Variants in SYNPR observed in about 807,000 individuals in gnomAD.
SYNPR encodes synaptoporin.
In SYNPR, 23 loss-of-function variants were observed where a neutral mutation model predicts 32.9. That is an observed-to-expected ratio of 0.70 (90% CI 0.50 to 0.99). SYNPR has a LOEUF of 0.99. SYNPR is among the 50% of genes least tolerant of loss of function. The pLI is 0.00. For synonymous variants in SYNPR, 146 were observed against 135.9 expected (o/e 1.07, Z -0.52); for missense variants, 318 against 349.3 (o/e 0.91, Z 0.71).
chr3:63,566,668 G>A (rs1702793976), intron 4 of SYNPR, among the ~76,000 whole-genome samples: 1 of 152,136 alleles, frequency 6.6e-6, no homozygotes. Context: ...CCAAATCTCA[G>A]TACCACCATC....
intron 3 of SYNPR, among the ~76,000 whole-genome samples, chr3:63,518,527 A>T (rs975818561): frequency 6.6e-6 from 1 of 152,140 alleles, no homozygotes; most frequent in Non-Finnish European, 1.5e-5. Flanking sequence ...TCTCCCTTCA[A>T]GTGCATTGCT....
intron 2 of SYNPR, among the ~76,000 whole-genome samples, chr3:63,308,237 A>G (rs1257424002): frequency 3.9e-5 from 6 of 152,034 alleles, no homozygotes; most frequent in Non-Finnish European, 8.8e-5. Flanking sequence ...ATTCTAGGAC[A>G]AGAAATATAT....
intron 2 of SYNPR, among the ~76,000 whole-genome samples, chr3:63,464,309 G>C (rs1457519739): frequency 2.0e-5 from 3 of 152,158 alleles, no homozygotes; most frequent in Admixed American, 6.5e-5. Flanking sequence ...CACTCCCACT[G>C]TATGGGGGTT....
intron 2 of SYNPR, among the ~76,000 whole-genome samples, chr3:63,386,896 G>T (rs185723524): frequency 1.4e-4 from 21 of 152,356 alleles, no homozygotes; most frequent in Admixed American, 1.4e-3. Context: ...GCCTCACCAA[G>T]ACAGTGGGGA....
At chr3:63,481,051 C>G (rs906770814) in intron 3 of SYNPR, 95 bp downstream of exon 3, 2 of 1,490,606 alleles carry the variant, frequency 1.3e-6, no homozygotes, top group African/African-American at 2.8e-5. Flanking sequence ...CCAGGGACTT[C>G]TGGGTAAACA....
intron 3 of SYNPR, among the ~76,000 whole-genome samples, chr3:63,484,748 A>C (rs992947156): frequency 8.5e-5 from 13 of 152,206 alleles, no homozygotes; most frequent in Non-Finnish European, 8.8e-5. Flanking sequence ...TTGACATCAC[A>C]CAGAAATTAA....
rs1341230980 is a variant in SYNPR at position 63,583,017 on chromosome 3, G to A, written c.409-26108G>A. 4.6e-5 allele frequency among the ~76,000 whole-genome samples: 7 copies of A among 151,964 alleles called. No individual in the cohort carries two copies. The South Asian group carries it at 1.2e-3, about 27-fold the overall frequency. On this transcript the variant is annotated intron_variant, in intron 4 of 5. Coordinates refer to ENST00000478300, the MANE Select transcript of SYNPR (RefSeq NM_001130003.2). ...GGGCTGAGTCCAAAAAGAAGTCAGCGAGGGGAGACAGGAAAGGGGCAGCTT... is the reference window on the plus strand; with the variant it reads ...GGGCTGAGTCCAAAAAGAAGTCAGCAAGGGGAGACAGGAAAGGGGCAGCTT...
intron 3 of SYNPR, among the ~76,000 whole-genome samples, chr3:63,553,966 C>CCCGT (rs1702550473): frequency 6.6e-6 from 1 of 152,188 alleles, no homozygotes; most frequent in African/African-American, 2.4e-5. Flanking sequence ...GGTGATCCAC[C>CCCGT]CCGTCTTGGC....
At chr3:63,309,426 G>T (rs573267294) in intron 2 of SYNPR, among the ~76,000 whole-genome samples, 7 of 151,958 alleles carry the variant, frequency 4.6e-5, no homozygotes, top group Non-Finnish European at 8.8e-5. Flanking sequence ...TACCTTGCTT[G>T]ATTCTGGATG....
intron 4 of SYNPR, among the ~76,000 whole-genome samples, chr3:63,561,782 A>T (rs1307815999): frequency 6.6e-6 from 1 of 152,160 alleles, no homozygotes; most frequent in Non-Finnish European, 1.5e-5. Flanking sequence ...ATTGTGAATC[A>T]CAGATTACCA....
intron 4 of SYNPR, among the ~76,000 whole-genome samples, chr3:63,605,025 C>T (rs9855104): frequency 6.6e-6 from 1 of 151,952 alleles, no homozygotes; most frequent in Admixed American, 6.6e-5. Context: ...TTCATTCTTT[C>T]ACTCAACAAA....
chr3:63,464,854 A>C (rs887978962), intron 2 of SYNPR, among the ~76,000 whole-genome samples: 5 of 152,150 alleles, frequency 3.3e-5, no homozygotes, highest in Non-Finnish European at 7.4e-5. Context: ...TATACATTTA[A>C]TTTGGGAGCC....
chr3:63,393,067 A>T (rs1371828847), intron 2 of SYNPR, among the ~76,000 whole-genome samples: 3 of 152,156 alleles, frequency 2.0e-5, no homozygotes, highest in African/African-American at 7.2e-5. Flanking sequence ...TTGTTCTACA[A>T]CTTGGACTCA....
intron 3 of SYNPR, among the ~76,000 whole-genome samples, chr3:63,511,703 T>A (rs1354664131): frequency 6.6e-6 from 1 of 152,078 alleles, no homozygotes; most frequent in South Asian, 2.1e-4. Context: ...GGATAAATTA[T>A]GTTTTCAGGG....
At chr3:63,336,276 G>C (rs770618292) in intron 2 of SYNPR, among the ~76,000 whole-genome samples, 12 of 151,584 alleles carry the variant, frequency 7.9e-5, no homozygotes, top group Non-Finnish European at 1.8e-4. Flanking sequence ...AAACTATCAG[G>C]ATAGTACAGG....
rs557398011 is a variant in SYNPR, at chr3:63,458,176, T to C, written c.85-22656T>C. ...CAAAATTAATTCCTCCTTGAATTTA[T>C]GTAGTTTACTTTCATGGCACTCTTC... On this transcript the variant is annotated intron_variant, in intron 2 of 5. Coordinates refer to ENST00000478300, the MANE Select transcript of SYNPR (RefSeq NM_001130003.2). Among the ~76,000 whole-genome samples, 5 of 152,296 alleles carry C rather than the reference T, an allele frequency of 3.3e-5. No homozygotes were observed. In the South Asian group the frequency reaches 1.0e-3, roughly 32 times the overall value.
At chr3:63,508,136 T>C (rs1211765357) in intron 3 of SYNPR, among the ~76,000 whole-genome samples, 1 of 152,130 alleles carries the variant, frequency 6.6e-6, no homozygotes, top group Non-Finnish European at 1.5e-5. Flanking sequence ...GTGGCTACTC[T>C]TTCGAATAGC....
intron 1 of SYNPR, among the ~76,000 whole-genome samples, chr3:63,249,241 T>A (rs1267994388): frequency 6.6e-6 from 1 of 152,028 alleles, no homozygotes; most frequent in Non-Finnish European, 1.5e-5. Flanking sequence ...AACCAAGAGA[T>A]CATATTTTCA....
intron 2 of SYNPR, among the ~76,000 whole-genome samples, chr3:63,309,026 C>T (rs1010891364): frequency 9.9e-5 from 15 of 151,894 alleles, no homozygotes; most frequent in African/African-American, 3.1e-4. Context: ...ATGCGCTGTT[C>T]ATTTTTTAAA....
Sources: gnomAD v4.1 joint callset for allele counts (sites outside exome capture counted in the v4.1 genomes callset) on GRCh38, gnomAD v4.1.1 for gene constraint, MANE v1.5 for transcripts, NCBI Gene and HGNC (gene_info 2026-07-23, HGNC 2026-07-21) for gene names.